SLC17A5: variants seen among roughly 807,000 people sequenced by gnomAD.
The protein encoded by SLC17A5 is sialin.
A neutral mutation model predicts 59.4 loss-of-function variants in SLC17A5; 47 were observed. The observed-to-expected ratio is 0.79, with a 90% CI of 0.63 to 1.01. SLC17A5 has a LOEUF of 1.01. Ranked by LOEUF, SLC17A5 falls within the 50% of genes least tolerant of loss-of-function variation. The pLI is 0.00. For synonymous variants in SLC17A5, 202 were observed against 210.7 expected, an observed-to-expected ratio of 0.96 and a Z score of 0.36; for missense variants, 522 against 595.5, an observed-to-expected ratio of 0.88 and a Z score of 1.28.
chr6:73,642,759 T>C (rs1769344621), intron 2 of SLC17A5, among the ~76,000 whole-genome samples: 1 of 152,334 alleles, frequency 6.6e-6, no homozygotes, highest in Middle Eastern at 3.4e-3. Flanking sequence ...GGGATTTCTT[T>C]CTACTGCTGA....
Position 73,594,106 on chromosome 6 carries a change from C to T in SLC17A5, c.*971G>A, listed in dbSNP as rs670248. The T allele has an allele frequency of 0.38, 57,124 of 151,412 alleles. 11,393 individuals carry two copies. The highest frequency in any genetic ancestry group is 0.47 in the African/African-American group (19,515 of 41,254). 9.4% of individuals were successfully genotyped at this position (151,412 alleles called of 1,614,324 possible). A position where few individuals can be genotyped will look rare whatever the true frequency, so the allele number is the denominator to read the frequency against. On this transcript the variant is annotated 3_prime_UTR_variant, in exon 11 of 11. Coordinates refer to ENST00000355773, the MANE Select transcript of SLC17A5 (RefSeq NM_012434.5). The stretch of plus-strand genomic sequence containing the variant: ...TGATCTTGGTTCACTGCAACTTCCA[C>T]CTCCCAGGTTCAAGTGATTCTCCTA...
intron 7 of SLC17A5, among the ~76,000 whole-genome samples, chr6:73,620,749 T>A (rs1768103395): frequency 6.6e-6 from 1 of 150,444 alleles, no homozygotes; most frequent in Admixed American, 6.7e-5. Context: ...TGGGACAGAG[T>A]CTTGTTCTGC....
At chr6:73,631,715 CT>C (rs781043586) in intron 6 of SLC17A5, among the ~76,000 whole-genome samples, 38 of 151,860 alleles carry the variant, frequency 2.5e-4, no homozygotes, top group Non-Finnish European at 4.3e-4. Context: ...CAAAGATGTC[CT>C]GTACCTTACA....
chr6:73,618,645 T>G lies in SLC17A5; in HGVS notation c.978+3159A>C, dbSNP rs1286984268. Reference sequence around the variant, plus strand: ...TGGAAAACCATCTCTATAAACACATTTTAGATAAAAGATTTAAAAAAATGA... The same window carrying G: ...TGGAAAACCATCTCTATAAACACATGTTAGATAAAAGATTTAAAAAAATGA... On this transcript the variant is annotated intron_variant, in intron 7 of 10. Transcript: ENST00000355773. 1.9e-5 allele frequency: 7 copies of G among 369,238 alleles called. No individual in the cohort carries two copies. In the Admixed American group the frequency reaches 2.5e-4, roughly 13 times the overall value. The allele number at this position is 369,238 out of a possible 1,614,324, so 22.9% of individuals were successfully genotyped here. A position where few individuals can be genotyped will look rare whatever the true frequency, so the allele number is the denominator to read the frequency against.
chr6:73,620,725 T>TG (rs1768100591), intron 7 of SLC17A5, among the ~76,000 whole-genome samples: 1 of 151,778 alleles, frequency 6.6e-6, no homozygotes, highest in Admixed American at 6.6e-5. Flanking sequence ...TGTTAGCATT[T>TG]TTTTTTTTTT....
chr6:73,629,779 G>A (rs914081610), intron 6 of SLC17A5, among the ~76,000 whole-genome samples: 19 of 151,854 alleles, frequency 1.3e-4, no homozygotes, highest in African/African-American at 4.1e-4. Context: ...GCGAAACTCC[G>A]TCTCAAAAAA....
At chr6:73,635,659 G>A (rs1469441645) in intron 5 of SLC17A5, among the ~76,000 whole-genome samples, 159 bp from the exon 6 acceptor site, 1 of 152,010 alleles carries the variant, frequency 6.6e-6, no homozygotes, top group African/African-American at 2.4e-5. Flanking sequence ...CTTCAGTTTG[G>A]ATTCAATTTC....
At position 73,621,837 on chromosome 6, in the gene SLC17A5, A is replaced by G. The variant is rs2150099250; in HGVS notation, c.945T>C (p.Tyr315=). ...FYTLLTLLPT[Y]MKEILRFNVQ... The stretch of plus-strand genomic sequence containing the variant: ...CATTGAACCTTAGGATCTCCTTCAT[A>G]TAAGTAGGCAATAATGTCAATAAAG... The change falls in exon 7 of 11, where the codon TAT becomes TAC. Residue 315 remains tyrosine, a synonymous_variant. Transcript: ENST00000355773. 4.3e-6 allele frequency: 7 copies of G among 1,612,616 alleles called. No homozygotes were observed. The highest frequency in any genetic ancestry group is 1.1e-5 in the South Asian group (1 of 91,044).
chr6:73,603,254 C>T (rs918591444), intron 9 of SLC17A5, among the ~76,000 whole-genome samples: 1 of 152,024 alleles, frequency 6.6e-6, no homozygotes, highest in Admixed American at 6.6e-5. Context: ...GCTTCAGCCT[C>T]CCAAGTAGCT....
intron 9 of SLC17A5, among the ~76,000 whole-genome samples, chr6:73,602,567 G>T (rs1254352160): frequency 1.3e-5 from 2 of 152,156 alleles, no homozygotes; most frequent in Non-Finnish European, 2.9e-5. Flanking sequence ...GAGGTCAGGA[G>T]ATCGAGACCA....
chr6:73,620,924 G>T (rs894201248), intron 7 of SLC17A5, among the ~76,000 whole-genome samples: 1 of 151,868 alleles, frequency 6.6e-6, no homozygotes, highest in Non-Finnish European at 1.5e-5. Context: ...CGGTTTTGCT[G>T]TATTATCCAA....
At chr6:73,645,712 C>T (rs1474601838) in intron 1 of SLC17A5, among the ~76,000 whole-genome samples, 1 of 147,828 alleles carries the variant, frequency 6.8e-6, no homozygotes, top group African/African-American at 2.5e-5. Flanking sequence ...GGCGTGAACC[C>T]GGGAGGCGGA....
At chr6:73,614,673 A>G (rs574697920) in intron 8 of SLC17A5, among the ~76,000 whole-genome samples, 1 of 152,274 alleles carries the variant, frequency 6.6e-6, no homozygotes, top group Admixed American at 6.5e-5. Context: ...GATTTAATCA[A>G]TCATACACAT....
At chr6:73,638,553 GC>G (rs1769132932) in intron 3 of SLC17A5, 54 bp from the exon 4 acceptor site, 6 of 1,342,924 alleles carry the variant, frequency 4.5e-6, no homozygotes, top group Non-Finnish European at 6.4e-6. Context: ...TTTTGTTAAT[GC>G]TTTAAAGTAA....
intron 5 of SLC17A5, among the ~76,000 whole-genome samples, chr6:73,636,135 G>T (rs1768982435): frequency 6.6e-6 from 1 of 152,064 alleles, no homozygotes; most frequent in Non-Finnish European, 1.5e-5. Flanking sequence ...TATTTCCAAA[G>T]GTGTCTGTTT....
intron 9 of SLC17A5, among the ~76,000 whole-genome samples, chr6:73,609,008 C>T (rs992794902): frequency 6.6e-6 from 1 of 152,022 alleles, no homozygotes; most frequent in Non-Finnish European, 1.5e-5. Context: ...TGACAGAGTG[C>T]AGCTTATCTT....
At chr6:73,648,024 A>C (rs1769667357) in intron 1 of SLC17A5, among the ~76,000 whole-genome samples, 1 of 152,124 alleles carries the variant, frequency 6.6e-6, no homozygotes, top group Admixed American at 6.5e-5. Flanking sequence ...AGCCGAGATC[A>C]CGCCATCGCA....
chr6:73,641,632 T>C, intron 3 of SLC17A5, 59 bp downstream of exon 3: 1 of 1,263,466 alleles, frequency 7.9e-7, no homozygotes. Context: ...ATGACATCTT[T>C]AAGAAGAAGA....
intron 1 of SLC17A5, among the ~76,000 whole-genome samples, chr6:73,649,653 A>C (rs1334862650): frequency 1.3e-5 from 2 of 152,198 alleles, no homozygotes; most frequent in Non-Finnish European, 2.9e-5. Flanking sequence ...GCACTAGTCG[A>C]AGTATTTTGC....
Sources: gnomAD v4.1 joint callset for allele counts (sites outside exome capture counted in the v4.1 genomes callset) on GRCh38, gnomAD v4.1.1 for gene constraint, MANE v1.5 for transcripts, NCBI Gene and HGNC (gene_info 2026-07-23, HGNC 2026-07-21) for gene names.